The following ARIH1 variants were observed in gnomAD, a reference collection of about 807,000 sequenced individuals.
ARIH1 encodes the protein E3 ubiquitin-protein ligase ARIH1.
A neutral mutation model predicts 85.0 loss-of-function variants in ARIH1; 8 were observed. The observed-to-expected ratio is 0.09, with a 90% CI of 0.06 to 0.17. The LOEUF is 0.17. Among genes scored for constraint, ARIH1 ranks in the 10% least tolerant of loss-of-function variants. The pLI, the probability that ARIH1 is intolerant of heterozygous loss-of-function variation, is 1.00. For synonymous variants in ARIH1, 238 were observed against 253.6 expected, an observed-to-expected ratio of 0.94 and a Z score of 0.59; for missense variants, 311 against 718.1, an observed-to-expected ratio of 0.43 and a Z score of 6.48.
chr15:72,542,463 G>A (rs992874298), intron 2 of ARIH1, among the ~76,000 whole-genome samples: 18 of 152,096 alleles, frequency 1.2e-4, no homozygotes, highest in Admixed American at 1.2e-3. Flanking sequence ...TTAAGTCTAG[G>A]TATTTTTCCC....
At chr15:72,506,357 A>AAAAAAAAAAAG (rs1393822497) in intron 1 of ARIH1, among the ~76,000 whole-genome samples, 3 of 148,590 alleles carry the variant, frequency 2.0e-5, no homozygotes, top group Non-Finnish European at 4.5e-5. Context: ...CTCACAAAAA[A>AAAAAAAAAAAG]AAAAAAAAGA....
rs2140447487 is a variant in ARIH1, at chr15:72,596,585, A to G, written c.*13293A>G. 6.6e-6 allele frequency: 1 copy of G among 152,300 alleles called. No homozygotes were observed. Among genetic ancestry groups the G allele is most frequent in the South Asian group, 2.1e-4 (1 of 4,830 alleles). The allele number at this position is 152,300 out of a possible 1,614,324, so 9.4% of individuals were successfully genotyped here. A position where few individuals can be genotyped will look rare whatever the true frequency, so the allele number is the denominator to read the frequency against. ...CTTTGGAGATTCTAGTTACATGTAT[A>G]TTAGATGATTTGATATAAACCTACA... is the stretch of plus-strand genomic sequence containing the variant. On this transcript the variant is annotated 3_prime_UTR_variant, in exon 14 of 14. Coordinates refer to ENST00000379887, the MANE Select transcript of ARIH1 (RefSeq NM_005744.5).
intron 1 of ARIH1, among the ~76,000 whole-genome samples, chr15:72,492,805 A>G (rs1029925471): frequency 2.0e-5 from 3 of 152,194 alleles, no homozygotes; most frequent in Non-Finnish European, 4.4e-5. Context: ...TATAAAGCCA[A>G]AGTGGTGAAA....
chr15:72,559,956 A>G (rs2064190915), intron 5 of ARIH1, among the ~76,000 whole-genome samples: 1 of 152,188 alleles, frequency 6.6e-6, no homozygotes, highest in South Asian at 2.1e-4. Flanking sequence ...TTTGTGTACA[A>G]GTTTTTCATT....
rs1477332077 is a variant in ARIH1, at chr15:72,594,653, T to C, written c.*11361T>C. The C allele has an allele frequency of 2.0e-5, 3 of 152,134 alleles. No homozygotes were observed. Among genetic ancestry groups the C allele is most frequent in the Non-Finnish European group, 4.4e-5 (3 of 68,032 alleles). The allele number at this position is 152,134 out of a possible 1,614,324, so 9.4% of individuals were successfully genotyped here. A position where few individuals can be genotyped will look rare whatever the true frequency, so the allele number is the denominator to read the frequency against. On this transcript the variant is annotated 3_prime_UTR_variant, in exon 14 of 14. Coordinates refer to ENST00000379887, the MANE Select transcript of ARIH1 (RefSeq NM_005744.5). ...TTCACGTGCCAGTGTGCCTGGCTGA[T>C]TTTTGTATGCTGATCTTGAATCGTG...
In ARIH1 at chr15:72,523,977, C is replaced by T. The variant is rs535397875; in HGVS notation, c.443+5843C>T. On this transcript the variant is annotated intron_variant, in intron 2 of 13. Transcript: ENST00000379887. ...TTTTTTTTTTTTTGAGATGGAGTCT[C>T]GCTCTTTTGCCCAGGCTGGAGTGCA... Among the ~76,000 whole-genome samples, 121 of 117,552 alleles carry T rather than the reference C, an allele frequency of 1.0e-3. 2 individuals carry two copies. The South Asian group carries it at 0.034, about 33-fold the overall frequency. 77.1% of individuals were successfully genotyped at this position (117,552 alleles called of 152,430 possible).
chr15:72,556,284 C>CA (rs1296001317), intron 5 of ARIH1, among the ~76,000 whole-genome samples: 2 of 152,176 alleles, frequency 1.3e-5, no homozygotes, highest in East Asian at 3.9e-4. Flanking sequence ...ATAGGCCTGA[C>CA]ATCTGTTAAA....
Position 72,490,284 on chromosome 15 carries a change from C to T in ARIH1, c.375+15270C>T, listed in dbSNP as rs2063853921. ...TCTCCTTCTCTTACAAGTTAGTCACCTTACTCAGTTTATTACAGCAGGAGT... is the reference window on the plus strand; with the variant it reads ...TCTCCTTCTCTTACAAGTTAGTCACTTTACTCAGTTTATTACAGCAGGAGT... On this transcript the variant is annotated intron_variant, in intron 1 of 13. Coordinates refer to ENST00000379887, the MANE Select transcript of ARIH1 (RefSeq NM_005744.5). Among the ~76,000 whole-genome samples, 3 of 152,030 alleles carry T rather than the reference C, an allele frequency of 2.0e-5. No individual in the cohort carries two copies. In the South Asian group the frequency reaches 6.2e-4, roughly 32 times the overall value.
Position 72,520,569 on chromosome 15 carries a change from T to TTTATATTTG in ARIH1, c.443+2440_443+2448dup, listed in dbSNP as rs1283730655. Among the ~76,000 whole-genome samples the TTTATATTTG allele has an allele frequency of 2.6e-4, 40 of 152,188 alleles. 1 individual carries two copies. Among genetic ancestry groups the TTTATATTTG allele is most frequent in the Admixed American group, 2.5e-3 (38 of 15,278 alleles). On this transcript the variant is annotated intron_variant, in intron 2 of 13. Transcript: ENST00000379887. Reference sequence around the variant, plus strand: ...AAATTACTGTCATTTTAAGTTGTGCTTTATATTTGTTATGTTTTCTGTTCG... The same window carrying TTTATATTTG: ...AAATTACTGTCATTTTAAGTTGTGCTTTATATTTGTTATATTTGTTATGTTTTCTGTTCG...
chr15:72,492,359 A>G (rs781446604), intron 1 of ARIH1, among the ~76,000 whole-genome samples: 16 of 152,210 alleles, frequency 1.1e-4, no homozygotes, highest in Non-Finnish European at 1.6e-4. Flanking sequence ...TTATGGAGGC[A>G]CTAGATAACA....
intron 7 of ARIH1, 56 bp downstream of exon 7, chr15:72,563,556 GT>G: frequency 1.4e-6 from 2 of 1,439,458 alleles, no homozygotes; most frequent in Non-Finnish European, 2.0e-6. Flanking sequence ...CATTTCTCCT[GT>G]TTATTCTTGG....
intron 5 of ARIH1, among the ~76,000 whole-genome samples, chr15:72,556,937 G>T (rs1301421025): frequency 6.6e-6 from 1 of 152,064 alleles, no homozygotes; most frequent in Non-Finnish European, 1.5e-5. Context: ...TGGTGTCCAT[G>T]TGCCACATTT....
At chr15:72,545,794 A>G (rs1407872662) in intron 3 of ARIH1, among the ~76,000 whole-genome samples, 1 of 152,276 alleles carries the variant, frequency 6.6e-6, no homozygotes, top group Non-Finnish European at 1.5e-5. Flanking sequence ...ATGCCACTGT[A>G]TTCCAGCCTG....
At chr15:72,521,430 T>C (rs1293981566) in intron 2 of ARIH1, among the ~76,000 whole-genome samples, 2 of 152,194 alleles carry the variant, frequency 1.3e-5, no homozygotes, top group Non-Finnish European at 2.9e-5. Flanking sequence ...TTCATATTTT[T>C]GGTTTTGGAA....
chr15:72,554,361 A>G (rs374000020), intron 3 of ARIH1, among the ~76,000 whole-genome samples: 4 of 152,262 alleles, frequency 2.6e-5, no homozygotes, highest in East Asian at 3.9e-4. Flanking sequence ...CAATTTTTCT[A>G]CATCCTCACC....
In ARIH1 at chr15:72,563,514, T is replaced by C. The variant is rs768981439; in HGVS notation, c.911+14T>C. ...GCGCCAATTTTGGTAAGCAAGTGAT[T>C]TCCTAAATTGAAATAGTGCACAAAG... On this transcript the variant is annotated intron_variant, in intron 7 of 13. Transcript: ENST00000379887. 1.8e-4 allele frequency: 281 copies of C among 1,598,420 alleles called. 2 individuals carry two copies. The South Asian group carries it at 2.4e-3, about 14-fold the overall frequency.
At chr15:72,553,417 T>G (rs970121472) in intron 3 of ARIH1, among the ~76,000 whole-genome samples, 15 of 152,212 alleles carry the variant, frequency 9.9e-5, no homozygotes, top group African/African-American at 3.6e-4. Context: ...ATAATTTATA[T>G]ACTATCCAGT....
chr15:72,498,175 C>A (rs958155761), intron 1 of ARIH1, among the ~76,000 whole-genome samples: 2 of 152,104 alleles, frequency 1.3e-5, no homozygotes, highest in Admixed American at 1.3e-4. Context: ...TAAATCACTG[C>A]TCAGAAAGAT....
intron 3 of ARIH1, among the ~76,000 whole-genome samples, chr15:72,554,281 G>A (rs751150581): frequency 9.9e-5 from 15 of 152,092 alleles, no homozygotes; most frequent in East Asian, 1.9e-4. Flanking sequence ...TTAATATTTT[G>A]AGGAACTGCC....
Sources: gnomAD v4.1 joint callset for allele counts (sites outside exome capture counted in the v4.1 genomes callset) on GRCh38, gnomAD v4.1.1 for gene constraint, MANE v1.5 for transcripts, NCBI Gene and HGNC (gene_info 2026-07-23, HGNC 2026-07-21) for gene names.